The following IPCEF1 variants were observed in gnomAD, a reference collection of about 807,000 sequenced individuals.
The protein encoded by IPCEF1 is interactor protein for cytohesin exchange factors 1.
In IPCEF1, 31 loss-of-function variants were observed where a neutral mutation model predicts 50.9. The ratio of observed to expected loss-of-function variants is 0.61; its 90% CI spans 0.46 to 0.82. The LOEUF is 0.82. Ranked by LOEUF, IPCEF1 falls within the 40% of genes least tolerant of loss-of-function variation. The pLI, the probability that IPCEF1 is intolerant of heterozygous loss-of-function variation, is 0.00. For synonymous variants in IPCEF1, 181 were observed against 192.0 expected (o/e 0.94, Z 0.47); for missense variants, 458 against 514.0 (o/e 0.89, Z 1.05).
At chr6:154,288,676 CAAAAAAAA>C (rs558703057) in intron 2 of IPCEF1, among the ~76,000 whole-genome samples, 4 of 46,938 alleles carry the variant, frequency 8.5e-5, no homozygotes, top group African/African-American at 1.9e-4. Flanking sequence ...ACAAAAAAAA[CAAAAAAAA>C]AAAAAAAAAA....
intron 9 of IPCEF1, among the ~76,000 whole-genome samples, chr6:154,211,983 T>C (rs1489333261): frequency 6.6e-6 from 1 of 152,224 alleles, no homozygotes; most frequent in Non-Finnish European, 1.5e-5. Flanking sequence ...GTGCTTGGCC[T>C]CATTAAATGC....
At chr6:154,246,882 A>G in intron 4 of IPCEF1, 122 bp from the exon 5 acceptor site, 1 of 1,069,332 alleles carries the variant, frequency 9.4e-7, no homozygotes, top group Non-Finnish European at 1.2e-6. Context: ...GGGGAGCTGG[A>G]TTTTTCACCA....
intron 10 of IPCEF1, among the ~76,000 whole-genome samples, chr6:154,186,609 T>G (rs910274794): frequency 6.6e-6 from 1 of 151,932 alleles, no homozygotes; most frequent in Non-Finnish European, 1.5e-5. Context: ...CAGGCTGGAG[T>G]GCAGTGGTGC....
intron 10 of IPCEF1, among the ~76,000 whole-genome samples, chr6:154,181,108 C>T (rs958294471): frequency 5.3e-5 from 8 of 152,032 alleles, no homozygotes; most frequent in African/African-American, 1.9e-4. Context: ...AGGCTTTCTC[C>T]AATTAGTAAA....
rs73789422 is a variant in IPCEF1 at position 154,264,192 on chromosome 6, T to C, written c.36+1720A>G. Among the ~76,000 whole-genome samples the C allele has an allele frequency of 2.6e-3, 390 of 152,054 alleles. 2 individuals are homozygous for C. Among genetic ancestry groups the C allele is most frequent in the African/African-American group, 9.1e-3 (378 of 41,442 alleles). On this transcript the variant is annotated intron_variant, in intron 3 of 11. Coordinates refer to ENST00000367220, the MANE Select transcript of IPCEF1 (RefSeq NM_001130700.2). ...CATTGGATCACACCTTCCTTCCTTT[T>C]CTCCAAGCTTTACATGGCAAATATC...
chr6:154,200,939 G>T (rs1177113974), intron 9 of IPCEF1, among the ~76,000 whole-genome samples: 3 of 152,170 alleles, frequency 2.0e-5, no homozygotes, highest in African/African-American at 7.2e-5. Context: ...CATGTCGAGG[G>T]AGGGACCTGA....
intron 2 of IPCEF1, among the ~76,000 whole-genome samples, chr6:154,266,463 G>A (rs1781755945): frequency 6.6e-6 from 1 of 151,136 alleles, no homozygotes; most frequent in South Asian, 2.1e-4. Context: ...GTTTAAAGTT[G>A]AGTTCATAAG....
At chr6:154,355,492 TTC>T (rs66909704) in intron 1 of IPCEF1, among the ~76,000 whole-genome samples, 45,351 of 148,014 alleles carry the variant, frequency 0.31, 6,840 homozygotes, top group Admixed American at 0.38. Context: ...CTTTCTTTCT[TTC>T]TTTTTTTTTT....
At chr6:154,291,711 G>A (rs1238331191) in intron 1 of IPCEF1, among the ~76,000 whole-genome samples, 1 of 127,230 alleles carries the variant, frequency 7.9e-6, no homozygotes, top group Non-Finnish European at 1.6e-5. Flanking sequence ...TTGAGATGGA[G>A]TCTCGCACTC....
intron 2 of IPCEF1, among the ~76,000 whole-genome samples, chr6:154,273,784 C>A (rs1347010506): frequency 9.3e-6 from 1 of 108,008 alleles, no homozygotes; most frequent in Non-Finnish European, 1.7e-5. Context: ...GGCAGAGTCT[C>A]CCTCTGTCGC....
chr6:154,353,666 T>C (rs1784155964), intron 1 of IPCEF1, among the ~76,000 whole-genome samples: 1 of 152,208 alleles, frequency 6.6e-6, no homozygotes, highest in African/African-American at 2.4e-5. Context: ...ATGAAAAATC[T>C]GGGAAGAAAA....
chr6:154,237,979 C>T (rs1464677632), intron 5 of IPCEF1, among the ~76,000 whole-genome samples: 2 of 151,922 alleles, frequency 1.3e-5, no homozygotes, highest in African/African-American at 4.8e-5. Context: ...CGATTTTAAA[C>T]GATTTTAGGA....
chr6:154,344,743 T>G (rs992332105), intron 1 of IPCEF1, among the ~76,000 whole-genome samples: 1 of 152,148 alleles, frequency 6.6e-6, no homozygotes, highest in African/African-American at 2.4e-5. Flanking sequence ...AACTTTGCCC[T>G]TTTTTTCTCA....
At chr6:154,332,637 T>C (rs1562293037) in intron 1 of IPCEF1, among the ~76,000 whole-genome samples, 1 of 152,164 alleles carries the variant, frequency 6.6e-6, no homozygotes, top group Non-Finnish European at 1.5e-5. Flanking sequence ...AATTCCTACA[T>C]CTCCTATGCT....
chr6:154,241,159 C>T (rs972721721), intron 5 of IPCEF1, among the ~76,000 whole-genome samples: 12 of 151,224 alleles, frequency 7.9e-5, no homozygotes, highest in Middle Eastern at 3.4e-3. Context: ...TCGCTTGAAC[C>T]CGGGAGGCGG....
At chr6:154,251,569 C>T (rs967142752) in intron 3 of IPCEF1, among the ~76,000 whole-genome samples, 1 of 152,078 alleles carries the variant, frequency 6.6e-6, no homozygotes, top group African/African-American at 2.4e-5. Flanking sequence ...TTAAAGCAAA[C>T]GGAGCTTCAG....
At chr6:154,352,434 T>C (rs1283961937) in intron 1 of IPCEF1, among the ~76,000 whole-genome samples, 1 of 152,020 alleles carries the variant, frequency 6.6e-6, no homozygotes, top group Non-Finnish European at 1.5e-5. Context: ...GATCTGGTCA[T>C]TTTTTTATTC....
intron 11 of IPCEF1, among the ~76,000 whole-genome samples, chr6:154,161,858 A>G (rs940211484): frequency 7.9e-5 from 12 of 152,312 alleles, no homozygotes; most frequent in African/African-American, 2.9e-4. Context: ...AAAACTTCAC[A>G]ACCACTGCCA....
intron 3 of IPCEF1, among the ~76,000 whole-genome samples, chr6:154,250,727 A>G (rs1217561386): frequency 6.6e-6 from 1 of 152,232 alleles, no homozygotes; most frequent in African/African-American, 2.4e-5. Context: ...TTACCCCAAG[A>G]TGTATTAAAA....
Sources: allele counts gnomAD v4.1 joint callset (sites outside exome capture counted in the v4.1 genomes callset), GRCh38; gene constraint gnomAD v4.1.1; transcripts MANE v1.5; gene names NCBI Gene and HGNC (gene_info 2026-07-23, HGNC 2026-07-21).